The following RIMS2 variants were observed in gnomAD, a reference collection of about 807,000 sequenced individuals.
The protein encoded by RIMS2 is regulating synaptic membrane exocytosis 2.
RIMS2 carries 59 observed loss-of-function variants against 174.4 expected under a neutral mutation model. The observed-to-expected ratio is 0.34, with a 90% confidence interval of 0.27 to 0.42. RIMS2 has a LOEUF of 0.42. RIMS2 is among the 10% of genes least tolerant of loss of function. The pLI is 1.00. For missense variants in RIMS2, 1,620 were observed against 1,666.3 expected (o/e 0.97, Z 0.48); for synonymous variants, 606 against 572.5 (o/e 1.06, Z -0.84).
chr8:103,522,772 G>A (rs908667459), intron 1 of RIMS2, among the ~76,000 whole-genome samples: 1 of 152,120 alleles, frequency 6.6e-6, no homozygotes, highest in African/African-American at 2.4e-5. Context: ...ACCTTAAACA[G>A]ATATTTACTT....
chr8:103,563,622 C>G (rs143099296), intron 1 of RIMS2, among the ~76,000 whole-genome samples: 77 of 152,278 alleles, frequency 5.1e-4, no homozygotes, highest in African/African-American at 1.6e-3. Context: ...CAACCTCTGC[C>G]TGTTACCCAG....
At chr8:103,685,707 C>T (rs1205398673) in intron 1 of RIMS2, among the ~76,000 whole-genome samples, 1 of 152,080 alleles carries the variant, frequency 6.6e-6, no homozygotes, top group African/African-American at 2.4e-5. Flanking sequence ...TTTGTCAGTA[C>T]CATGTTTACT....
rs1376054894 is a variant in RIMS2 at position 103,924,933 on chromosome 8, C to A, written c.2197-2909C>A. Among the ~76,000 whole-genome samples the A allele has an allele frequency of 2.0e-5, 3 of 151,508 alleles. No homozygotes were observed. The South Asian group carries it at 6.2e-4, about 31-fold the overall frequency. On this transcript the variant is annotated intron_variant, in intron 10 of 23. Transcript: ENST00000504942. ...TTGGTGAAGAAAATCAGCATGAGTT[C>A]GGGTTTATGCCAAGTAGGCTGTTTG...
At chr8:103,981,799 G>C (rs2093926738) in intron 16 of RIMS2, among the ~76,000 whole-genome samples, 1 of 151,948 alleles carries the variant, frequency 6.6e-6, no homozygotes, top group African/African-American at 2.4e-5. Flanking sequence ...AGAAGAATTA[G>C]TGACCTTCAA....
intron 1 of RIMS2, among the ~76,000 whole-genome samples, chr8:103,543,512 A>G (rs987035300): frequency 2.0e-5 from 3 of 152,200 alleles, no homozygotes; most frequent in Admixed American, 6.5e-5. Context: ...AATCCTAAAG[A>G]TATTTATGGA....
intron 19 of RIMS2, among the ~76,000 whole-genome samples, chr8:104,214,330 T>C (rs923951347): frequency 6.6e-6 from 1 of 152,218 alleles, no homozygotes; most frequent in Admixed American, 6.5e-5. Flanking sequence ...GATGTATAAA[T>C]GAAGCAAATT....
intron 1 of RIMS2, among the ~76,000 whole-genome samples, chr8:103,585,740 CA>C (rs2093880529): frequency 6.7e-6 from 1 of 149,186 alleles, no homozygotes; most frequent in African/African-American, 2.5e-5. Context: ...GGGTTGGGGG[CA>C]AGGGGAGGGA....
intron 3 of RIMS2, among the ~76,000 whole-genome samples, chr8:103,847,505 C>G (rs2098974262): frequency 6.6e-6 from 1 of 152,008 alleles, no homozygotes; most frequent in South Asian, 2.1e-4. Context: ...AACATATTTC[C>G]TTTGCTTTGT....
At chr8:103,834,676 T>TTTTCTTCCTTCC (rs561054687) in intron 3 of RIMS2, among the ~76,000 whole-genome samples, 11 of 120,012 alleles carry the variant, frequency 9.2e-5, no homozygotes, top group South Asian at 2.9e-4. Flanking sequence ...TCTGAGGTCT[T>TTTTCTTCCTTCC]TTTCTTTCTT....
At chr8:103,614,260 T>C (rs2095453949) in intron 1 of RIMS2, among the ~76,000 whole-genome samples, 1 of 152,254 alleles carries the variant, frequency 6.6e-6, no homozygotes, top group South Asian at 2.1e-4. Flanking sequence ...CCGTTTGCTC[T>C]CTCCATGCAT....
intron 3 of RIMS2, among the ~76,000 whole-genome samples, chr8:103,836,565 CTAAA>C (rs771866241): frequency 6.6e-6 from 1 of 151,954 alleles, no homozygotes; most frequent in Non-Finnish European, 1.5e-5. Context: ...GACCCCATCT[CTAAA>C]TAAATAAATA....
At chr8:103,560,741 A>C (rs1448329850) in intron 1 of RIMS2, among the ~76,000 whole-genome samples, 1 of 152,212 alleles carries the variant, frequency 6.6e-6, no homozygotes, top group Admixed American at 6.5e-5. Flanking sequence ...TTCAAGAATA[A>C]GTTTATTTCA....
At chr8:104,252,029 A>G (rs539961085), downstream of RIMS2, 1 of 568,930 alleles carries the variant, frequency 1.8e-6, no homozygotes, top group African/African-American at 1.9e-5. Flanking sequence ...AGCTGTGAAG[A>G]ACTATCAGAT....
chr8:103,790,797 T>G (rs1353820449), intron 3 of RIMS2, among the ~76,000 whole-genome samples: 1 of 152,218 alleles, frequency 6.6e-6, no homozygotes, highest in Non-Finnish European at 1.5e-5. Context: ...TAATACATAT[T>G]TCTGTTATTG....
chr8:103,936,712 T>G (rs1362498347), exon 13 of RIMS2: 2 of 1,603,436 alleles, frequency 1.2e-6, no homozygotes, highest in Admixed American at 3.5e-5. Context: ...GAAAGTGAAT[T>G]CTTAGGCGAG....
At chr8:104,201,454 G>C (rs1191133905) in intron 19 of RIMS2, among the ~76,000 whole-genome samples, 4 of 152,030 alleles carry the variant, frequency 2.6e-5, no homozygotes, top group Non-Finnish European at 5.9e-5. Context: ...GAAGAATATA[G>C]TCATAAAAGC....
In RIMS2 at chr8:104,242,490, G is replaced by A. The variant is rs190046982; in HGVS notation, c.3335-2426G>A. The stretch of plus-strand genomic sequence containing the variant: ...TTGCTTTCCCAAACAAGAAGTTCAA[G>A]TACACTCGTAGCATTTGATGGTTAA... On this transcript the variant is annotated intron_variant, in intron 19 of 23. Transcript: ENST00000504942. Among the ~76,000 whole-genome samples, 449 of 152,234 alleles carry A rather than the reference G, an allele frequency of 2.9e-3. 3 individuals are homozygous for A. The highest frequency in any genetic ancestry group is 9.1e-3 in the African/African-American group (377 of 41,540).
intron 19 of RIMS2, among the ~76,000 whole-genome samples, chr8:104,075,265 C>T (rs1042274301): frequency 6.6e-6 from 1 of 152,278 alleles, no homozygotes; most frequent in Admixed American, 6.5e-5. Flanking sequence ...ATAAATAGAA[C>T]AAGAGGATTC....
intron 19 of RIMS2, among the ~76,000 whole-genome samples, chr8:104,203,518 T>TG (rs2099065218): frequency 3.6e-5 from 4 of 110,622 alleles, no homozygotes; most frequent in African/African-American, 1.4e-4. Context: ...TTTTTTTTTT[T>TG]TGTGAGATGG....
Sources: gnomAD v4.1 joint callset for allele counts (sites outside exome capture counted in the v4.1 genomes callset) on GRCh38, gnomAD v4.1.1 for gene constraint, MANE v1.5 for transcripts, NCBI Gene and HGNC (gene_info 2026-07-23, HGNC 2026-07-21) for gene names.